TDRD3: variants seen among roughly 807,000 people sequenced by gnomAD.
The protein encoded by TDRD3 is tudor domain-containing protein 3.
A neutral mutation model predicts 86.7 loss-of-function variants in TDRD3; 45 were observed. The observed-to-expected ratio is 0.52, with a 90% CI of 0.41 to 0.67. The LOEUF is 0.67. Among genes scored for constraint, TDRD3 ranks in the 30% least tolerant of loss-of-function variants. TDRD3 has a pLI of 0.00. For missense variants in TDRD3, 814 were observed against 889.0 expected (o/e 0.92, Z 1.07); for synonymous variants, 298 against 301.7 (o/e 0.99, Z 0.13).
At chr13:60,444,044 C>T (rs1473142644) in intron 2 of TDRD3, among the ~76,000 whole-genome samples, 3 of 151,782 alleles carry the variant, frequency 2.0e-5, no homozygotes, top group Admixed American at 6.6e-5. Context: ...AATGCTATAG[C>T]CTTGTTTTTG....
At chr13:60,567,186 T>C (rs975544053) in intron 12 of TDRD3, among the ~76,000 whole-genome samples, 3 of 152,238 alleles carry the variant, frequency 2.0e-5, no homozygotes, top group African/African-American at 7.2e-5. Flanking sequence ...CTTTTCTGTA[T>C]GTTTTTACCA....
chr13:60,399,098 A>G (rs753768256), intron 1 of TDRD3, among the ~76,000 whole-genome samples: 6 of 152,120 alleles, frequency 3.9e-5, no homozygotes, highest in Non-Finnish European at 7.4e-5. Context: ...ATGCTTTTCC[A>G]GGGCAGGGAA....
At chr13:60,441,770 G>A (rs961929567) in intron 2 of TDRD3, among the ~76,000 whole-genome samples, 6 of 152,230 alleles carry the variant, frequency 3.9e-5, no homozygotes, top group Non-Finnish European at 8.8e-5. Context: ...GGTAGACACT[G>A]AGCTTGTTCC....
At chr13:60,510,505 A>G (rs1957032649) in intron 9 of TDRD3, 125 bp from the exon 10 acceptor site, 6 of 1,024,114 alleles carry the variant, frequency 5.9e-6, no homozygotes, top group Non-Finnish European at 7.6e-6. Context: ...AAAGATGTAG[A>G]CTATACAAAA....
chr13:60,518,418 G>A (rs1262585569), intron 10 of TDRD3, among the ~76,000 whole-genome samples: 1 of 152,114 alleles, frequency 6.6e-6, no homozygotes, highest in African/African-American at 2.4e-5. Context: ...GCATAATAAA[G>A]CGAATGTTCT....
At chr13:60,404,404 G>A (rs201523246) in intron 1 of TDRD3, among the ~76,000 whole-genome samples, 1 of 140,250 alleles carries the variant, frequency 7.1e-6, no homozygotes, top group African/African-American at 2.7e-5. Flanking sequence ...TCCGCCTCCC[G>A]GGTTCACGCC....
intron 13 of TDRD3, among the ~76,000 whole-genome samples, 181 bp from the exon 14 acceptor site, chr13:60,573,435 T>C (rs1305520474): frequency 6.6e-6 from 1 of 152,266 alleles, no homozygotes; most frequent in Non-Finnish European, 1.5e-5. Flanking sequence ...TTTGCTTTTT[T>C]CTTTCATATT....
chr13:60,406,763 A>C lies in TDRD3; in HGVS notation c.41+9358A>C, dbSNP rs188137496. 1.8e-4 allele frequency among the ~76,000 whole-genome samples: 27 copies of C among 152,316 alleles called. No individual in the cohort carries two copies. In the East Asian group the frequency reaches 5.0e-3, roughly 28 times the overall value. ...TAGTTTATTGACTTGCTGATATTGG[A>C]GACTCAGAGCACCTTTTAAAACACT... is the stretch of plus-strand genomic sequence containing the variant. On this transcript the variant is annotated intron_variant, in intron 1 of 13. Transcript: ENST00000377881.
chr13:60,409,102 A>G (rs1031761814), intron 1 of TDRD3, among the ~76,000 whole-genome samples: 2 of 152,254 alleles, frequency 1.3e-5, no homozygotes, highest in Non-Finnish European at 2.9e-5. Flanking sequence ...GGTGGAAGCC[A>G]CAAGCCTTGG....
At chr13:60,504,121 T>G (rs537641661) in intron 8 of TDRD3, among the ~76,000 whole-genome samples, 1 of 152,324 alleles carries the variant, frequency 6.6e-6, no homozygotes, top group African/African-American at 2.4e-5. Flanking sequence ...TTTTTATAAT[T>G]TGCTTAATTA....
intron 4 of TDRD3, among the ~76,000 whole-genome samples, chr13:60,465,287 T>C (rs1322577560): frequency 3.3e-5 from 5 of 152,142 alleles, no homozygotes; most frequent in Admixed American, 1.3e-4. Flanking sequence ...TTATTTTTAT[T>C]TATCCTTGTA....
intron 1 of TDRD3, among the ~76,000 whole-genome samples, chr13:60,435,910 C>A (rs986270177): frequency 9.1e-6 from 1 of 109,606 alleles, no homozygotes; most frequent in Non-Finnish European, 2.3e-5. Context: ...ATCATGACAA[C>A]ATCTATGGTT....
At chr13:60,439,494 A>G (rs1412681273) in intron 1 of TDRD3, among the ~76,000 whole-genome samples, 194 bp from the exon 2 acceptor site, 1 of 152,166 alleles carries the variant, frequency 6.6e-6, no homozygotes, top group Non-Finnish European at 1.5e-5. Context: ...CTTTAAGGGT[A>G]CAAAAGAAAA....
chr13:60,573,678 T>A lies in TDRD3; in HGVS notation c.*72T>A. 1.0e-5 allele frequency: 10 copies of A among 983,458 alleles called. No homozygotes were observed. The highest frequency in any genetic ancestry group is 1.2e-5 in the Non-Finnish European group (10 of 828,122). The allele number at this position is 983,458 out of a possible 1,614,324, so 60.9% of individuals were successfully genotyped here. ...CTGGTGGAAACCTGTTGACAGACCT[T>A]CCACTTTCTCTTCAGAATAAGTAGC... On this transcript the variant is annotated 3_prime_UTR_variant, in exon 14 of 14. Transcript: ENST00000377881.
At chr13:60,406,241 C>G (rs1243953533) in intron 1 of TDRD3, among the ~76,000 whole-genome samples, 2 of 152,132 alleles carry the variant, frequency 1.3e-5, no homozygotes, top group East Asian at 3.9e-4. Flanking sequence ...ATAAGATCAT[C>G]TAAGGCTGCA....
intron 3 of TDRD3, among the ~76,000 whole-genome samples, chr13:60,449,357 T>C (rs76935315): frequency 0.019 from 2,968 of 152,238 alleles, 93 homozygotes; most frequent in African/African-American, 0.068. Context: ...CAAGTCCTTA[T>C]TGGTAATTAC....
intron 7 of TDRD3, among the ~76,000 whole-genome samples, chr13:60,488,191 A>G (rs1462969072): frequency 2.0e-5 from 3 of 152,204 alleles, no homozygotes; most frequent in Non-Finnish European, 2.9e-5. Flanking sequence ...AGGGGTTTAT[A>G]TAGCAGAGAA....
intron 13 of TDRD3, among the ~76,000 whole-genome samples, chr13:60,570,011 A>G (rs951912675): frequency 6.6e-6 from 1 of 152,182 alleles, no homozygotes; most frequent in African/African-American, 2.4e-5. Flanking sequence ...CTGGGCAAAA[A>G]CTTTTTGAGT....
Position 60,456,757 on chromosome 13 carries a change from G to A in TDRD3, c.193-3623G>A, listed in dbSNP as rs113428755. Among the ~76,000 whole-genome samples the A allele has an allele frequency of 3.5e-3, 534 of 152,078 alleles. 4 individuals are homozygous for A. The highest frequency in any genetic ancestry group is 0.012 in the African/African-American group (505 of 41,476). Reference sequence around the variant, plus strand: ...GTCACCTGGGCCAGAGTGTAGTGGCGCAATCGTGGTTCACTGTAGCCTCCA... The same window carrying A: ...GTCACCTGGGCCAGAGTGTAGTGGCACAATCGTGGTTCACTGTAGCCTCCA... On this transcript the variant is annotated intron_variant, in intron 3 of 13. Transcript: ENST00000377881.
Sources: allele counts gnomAD v4.1 joint callset (sites outside exome capture counted in the v4.1 genomes callset), GRCh38; gene constraint gnomAD v4.1.1; transcripts MANE v1.5; gene names NCBI Gene and HGNC (gene_info 2026-07-23, HGNC 2026-07-21).